Variants in ACER1 observed in about 807,000 individuals in gnomAD.
The protein encoded by ACER1 is CTB-180A7.3.
ACER1 carries 28 observed loss-of-function variants against 24.9 expected under a neutral mutation model. That is an observed-to-expected ratio of 1.13 (90% CI 0.83 to 1.54). ACER1 has a LOEUF of 1.54. ACER1 is among the 40% of genes most tolerant of loss of function. ACER1 has a pLI of 0.00. For missense variants in ACER1, 352 were observed against 349.3 expected, an observed-to-expected ratio of 1.01 and a Z score of -0.06; for synonymous variants, 132 against 131.4, an observed-to-expected ratio of 1.00 and a Z score of -0.03.
At chr19:6,310,506 G>T (rs1466071295) in intron 3 of ACER1, among the ~76,000 whole-genome samples, 1 of 152,000 alleles carries the variant, frequency 6.6e-6, no homozygotes, top group Non-Finnish European at 1.5e-5. Context: ...GGAGGCAGAG[G>T]TTTCAGTGGG....
At chr19:6,315,625 C>T (rs1225597542) in intron 1 of ACER1, among the ~76,000 whole-genome samples, 1 of 152,128 alleles carries the variant, frequency 6.6e-6, no homozygotes. Context: ...GTGATCCACC[C>T]TCCTCGGCTT....
rs763271446 is a variant in ACER1, at chr19:6,307,148, C to T, written c.626+5G>A. 1.2e-6 allele frequency: 2 copies of T among 1,613,874 alleles called. No individual in the cohort carries two copies. Among genetic ancestry groups the T allele is most frequent in the African/African-American group, 2.7e-5 (2 of 74,934 alleles). On this transcript the variant is annotated splice_donor_5th_base_variant and intron_variant, in intron 5 of 5. Transcript: ENST00000301452. Reference sequence around the variant, plus strand: ...GCCCCCCACAGCCTCAGAGCATGTGCTTACCAGATGCTGTGCAGATAGAAG... The same window carrying T: ...GCCCCCCACAGCCTCAGAGCATGTGTTTACCAGATGCTGTGCAGATAGAAG...
the ACER1 span, among the ~76,000 whole-genome samples, chr19:6,338,966 C>A: frequency 1.3e-5 from 2 of 151,614 alleles, no homozygotes; most frequent in Admixed American, 6.6e-5. Flanking sequence ...CAACCTCCGC[C>A]TCCTGGGTTC....
At chr19:6,354,003 G>A in the ACER1 span, among the ~76,000 whole-genome samples, 1 of 151,422 alleles carries the variant, frequency 6.6e-6, no homozygotes, top group Non-Finnish European at 1.5e-5. Context: ...CCAACACGGT[G>A]GAACCCCATC....
chr19:6,354,182 AAAAATAAAAT>A, the ACER1 span, among the ~76,000 whole-genome samples: 5,324 of 151,936 alleles, frequency 0.035, 154 homozygotes, highest in African/African-American at 0.08. Flanking sequence ...AGACCATCTC[AAAAATAAAAT>A]AAAATAAAAT....
At chr19:6,332,859 G>A (rs1346659563) in intron 1 of ACER1, among the ~76,000 whole-genome samples, 4 of 151,974 alleles carry the variant, frequency 2.6e-5, no homozygotes. Context: ...AGTAGAGATG[G>A]GCTTTCACCA....
intron 1 of ACER1, among the ~76,000 whole-genome samples, chr19:6,325,352 T>G (rs2091655960): frequency 6.6e-6 from 1 of 152,160 alleles, no homozygotes; most frequent in Admixed American, 6.6e-5. Context: ...CAGGCTGTGC[T>G]GTTCCACCTC....
intron 1 of ACER1, 72 bp downstream of exon 1, chr19:6,333,386 TA>T: frequency 7.8e-7 from 1 of 1,283,020 alleles, no homozygotes; most frequent in Non-Finnish European, 1.1e-6. Context: ...GATTCCCCAG[TA>T]AGGCTGTATG....
upstream of ACER1, among the ~76,000 whole-genome samples, chr19:6,336,773 T>A (rs549953619): frequency 7.6e-6 from 1 of 131,002 alleles, no homozygotes; most frequent in Non-Finnish European, 1.5e-5. Flanking sequence ...TGAGCCGAGA[T>A]CACGCCACTG....
At chr19:6,319,300 G>A (rs1568310747) in intron 1 of ACER1, among the ~76,000 whole-genome samples, 1 of 152,108 alleles carries the variant, frequency 6.6e-6, no homozygotes, top group Non-Finnish European at 1.5e-5. Context: ...GAAACTGCCT[G>A]GATGCCAGGG....
At chr19:6,357,982 G>GGCAGGGCAGGCAGGGGGT in the ACER1 span, among the ~76,000 whole-genome samples, 3 of 152,184 alleles carry the variant, frequency 2.0e-5, no homozygotes, top group African/African-American at 7.2e-5. Flanking sequence ...CCACGTCAGA[G>GGCAGGGCAGGCAGGGGGT]GCAGGGCAGG....
the ACER1 span, among the ~76,000 whole-genome samples, chr19:6,347,109 A>AAAAAAAAAAAAATATATAT: frequency 6.1e-5 from 7 of 113,822 alleles, no homozygotes; most frequent in African/African-American, 3.5e-4. Context: ...AAAAAAAAAA[A>AAAAAAAAAAAAATATATAT]ATATATATAT....
At chr19:6,337,107 C>T (rs570661704), upstream of ACER1, among the ~76,000 whole-genome samples, 5 of 149,792 alleles carry the variant, frequency 3.3e-5, no homozygotes, top group Non-Finnish European at 7.4e-5. Context: ...ACCCAGAAAA[C>T]GGAGGTTGCA....
the ACER1 span, among the ~76,000 whole-genome samples, chr19:6,348,771 C>T: frequency 1.3e-5 from 2 of 151,772 alleles, no homozygotes; most frequent in Non-Finnish European, 2.9e-5. Flanking sequence ...GAAAGAAGCA[C>T]GGCAGGCTGG....
intron 3 of ACER1, among the ~76,000 whole-genome samples, chr19:6,310,450 A>G (rs1259090251): frequency 6.6e-6 from 1 of 152,088 alleles, no homozygotes; most frequent in Non-Finnish European, 1.5e-5. Context: ...AGATGCCTGT[A>G]ATCCCAGCTA....
chr19:6,330,780 T>C (rs1464847621), intron 1 of ACER1, among the ~76,000 whole-genome samples: 3 of 149,744 alleles, frequency 2.0e-5, no homozygotes, highest in Non-Finnish European at 2.9e-5. Flanking sequence ...GTGGGACTAC[T>C]GAGGACCGGG....
chr19:6,350,509 T>C, the ACER1 span, among the ~76,000 whole-genome samples: 1 of 151,344 alleles, frequency 6.6e-6, no homozygotes, highest in African/African-American at 2.4e-5. Flanking sequence ...AGGCGGAGGT[T>C]GCAGTGAGCC....
chr19:6,326,107 A>AC lies in ACER1; in HGVS notation c.93+7351dup, dbSNP rs1274791208. Among the ~76,000 whole-genome samples, 8 of 141,192 alleles carry AC rather than the reference A, an allele frequency of 5.7e-5. No individual in the cohort carries two copies. In the East Asian group the frequency reaches 1.7e-3, roughly 30 times the overall value. The allele number at this position is 141,192 out of a possible 152,430, so 92.6% of individuals were successfully genotyped here. On this transcript the variant is annotated intron_variant, in intron 1 of 5. Coordinates refer to ENST00000301452, the MANE Select transcript of ACER1 (RefSeq NM_133492.3). ...GTAGCTGGGACCACAAGTGTGCACC[A>AC]CCATGCTCAGCTATTTTTTTTTTTT...
At position 6,312,443 on chromosome 19, in the gene ACER1, C is replaced by A. The variant is rs768048484; in HGVS notation, c.150G>T (p.Pro50=). ...FGPLMMLLMH[P]YAQKRSRYIY... ...TGTAGCGGGAGCGCTTCTGGGCATA[C>A]GGGTGCATCAGGAGCATCATCAGTG... The change falls in exon 2 of 6, where the codon CCG becomes CCT. Residue 50 remains proline (P), a synonymous_variant. Transcript: ENST00000301452. 4.3e-6 allele frequency: 7 copies of A among 1,613,822 alleles called. No individual in the cohort carries two copies. Among genetic ancestry groups the A allele is most frequent in the Non-Finnish European group, 5.9e-6 (7 of 1,180,016 alleles).
Sources: gnomAD v4.1 joint callset for allele counts (sites outside exome capture counted in the v4.1 genomes callset) on GRCh38, gnomAD v4.1.1 for gene constraint, MANE v1.5 for transcripts, NCBI Gene and HGNC (gene_info 2026-07-23, HGNC 2026-07-21) for gene names.